Variants in NLRP3 observed in about 807,000 individuals in gnomAD.
NLRP3 encodes NLR family pyrin domain containing 3, also known as NACHT, LRR and PYD domains-containing protein 3.
Under a neutral mutation model 91.3 loss-of-function variants are expected in NLRP3, and 48 were observed. The observed-to-expected ratio is 0.53, with a 90% CI of 0.42 to 0.67. The LOEUF (loss-of-function observed/expected upper bound fraction) is 0.67. NLRP3 is among the 30% of genes least tolerant of loss of function. The pLI is 0.00. For missense variants in NLRP3, 982 were observed against 1,276.9 expected (o/e 0.77, Z 3.52); for synonymous variants, 561 against 507.9 (o/e 1.10, Z -1.41).
intron 9 of NLRP3, among the ~76,000 whole-genome samples, chr1:247,445,925 T>C (rs1457976670): frequency 6.6e-6 from 1 of 152,166 alleles, no homozygotes; most frequent in African/African-American, 2.4e-5. Flanking sequence ...GGCCTCCAGA[T>C]TATATGTCCA....
chr1:247,434,528 T>C (rs1663646060), intron 6 of NLRP3, among the ~76,000 whole-genome samples: 1 of 152,196 alleles, frequency 6.6e-6, no homozygotes, highest in Non-Finnish European at 1.5e-5. Flanking sequence ...GCCTACTGCC[T>C]AGCTGACAAA....
Position 247,425,793 on chromosome 1 carries a change from G to GAA in NLRP3, c.2150+203_2150+204dup. On this transcript the variant is annotated intron_variant, in intron 4 of 9. Coordinates refer to ENST00000336119, the MANE Select transcript of NLRP3 (RefSeq NM_001243133.2). The surrounding 1 kb of genome is among the most constrained non-coding windows in gnomAD (Gnocchi z 4.1). ...ATGGTAGGTGGATAAATGGGATGAG[G>GAA]AAAAAAAAAATAAAACAAGGAACAA... is the stretch of plus-strand genomic sequence containing the variant. 1.4e-4 allele frequency: 79 copies of GAA among 545,072 alleles called. No individual in the cohort carries two copies. The highest frequency in any genetic ancestry group is 1.9e-4 in the Non-Finnish European group (58 of 306,412). The allele number at this position is 545,072 out of a possible 1,614,324, so 33.8% of individuals were successfully genotyped here.
At chr1:247,441,592 ATTAAC>A (rs992750465) in intron 7 of NLRP3, among the ~76,000 whole-genome samples, 1 of 152,136 alleles carries the variant, frequency 6.6e-6, no homozygotes, top group African/African-American at 2.4e-5. Flanking sequence ...TCCCCAACCA[ATTAAC>A]TTAATACAGT....
intron 8 of NLRP3, 92 bp from the exon 9 acceptor site, chr1:247,444,559 A>C: frequency 7.3e-7 from 1 of 1,366,804 alleles, no homozygotes; most frequent in South Asian, 1.2e-5. Context: ...TTTTTTTTCC[A>C]CCTGAAACAA....
intron 5 of NLRP3, among the ~76,000 whole-genome samples, chr1:247,433,359 C>G (rs929513092): frequency 6.6e-6 from 1 of 152,150 alleles, no homozygotes; most frequent in African/African-American, 2.4e-5. Context: ...AGGGCAGTGC[C>G]GACTGCGGGC....
At chr1:247,433,334 A>G (rs973713322) in intron 5 of NLRP3, among the ~76,000 whole-genome samples, 1 of 152,236 alleles carries the variant, frequency 6.6e-6, no homozygotes, top group Non-Finnish European at 1.5e-5. Context: ...GAAATAGCTG[A>G]GTGCAGCACT....
intron 2 of NLRP3, among the ~76,000 whole-genome samples, chr1:247,422,264 A>ACGTG (rs1195312946): frequency 6.6e-6 from 1 of 151,676 alleles, no homozygotes; most frequent in Admixed American, 6.6e-5. Flanking sequence ...CAATAGTCCC[A>ACGTG]GCTGTTCTGG....
At chr1:247,436,897 T>C (rs1367191284) in intron 7 of NLRP3, among the ~76,000 whole-genome samples, 2 of 152,248 alleles carry the variant, frequency 1.3e-5, no homozygotes, top group East Asian at 3.8e-4. Flanking sequence ...TCTTTCATGT[T>C]CTTACATGGA....
intron 7 of NLRP3, among the ~76,000 whole-genome samples, chr1:247,439,769 C>T (rs1664073497): frequency 6.6e-6 from 1 of 152,120 alleles, no homozygotes; most frequent in Non-Finnish European, 1.5e-5. Flanking sequence ...GATAAATTTC[C>T]ATGCTGATTT....
At chr1:247,438,379 T>G (rs1663944415) in intron 7 of NLRP3, among the ~76,000 whole-genome samples, 1 of 27,332 alleles carries the variant, frequency 3.7e-5, no homozygotes. Flanking sequence ...TTTAGTTGTG[T>G]TTTTTTTTTT....
At chr1:247,429,857 G>T in intron 5 of NLRP3, 102 bp downstream of exon 5, 2 of 1,449,866 alleles carry the variant, frequency 1.4e-6, no homozygotes, top group Non-Finnish European at 9.5e-7. Flanking sequence ...TGCTGGTGTG[G>T]TTTCTTTCTT....
At chr1:247,421,661 G>T (rs1162456848) in intron 2 of NLRP3, among the ~76,000 whole-genome samples, 1 of 152,150 alleles carries the variant, frequency 6.6e-6, no homozygotes, top group Admixed American at 6.5e-5. Flanking sequence ...ACTGGCCCAT[G>T]GTTTATTTCT....
At chr1:247,431,984 C>T (rs974190772) in intron 5 of NLRP3, among the ~76,000 whole-genome samples, 3 of 152,024 alleles carry the variant, frequency 2.0e-5, no homozygotes, top group African/African-American at 7.2e-5. Context: ...CTGCAACATC[C>T]ACCTCCTGGG....
intron 6 of NLRP3, among the ~76,000 whole-genome samples, chr1:247,435,514 G>A (rs1159278461): frequency 6.6e-6 from 1 of 152,180 alleles, no homozygotes; most frequent in African/African-American, 2.4e-5. Context: ...GTCTAGAACA[G>A]ACAGATTCAT....
intron 9 of NLRP3, among the ~76,000 whole-genome samples, chr1:247,448,177 C>T (rs943496278): frequency 1.3e-5 from 2 of 151,012 alleles, no homozygotes; most frequent in African/African-American, 4.9e-5. Flanking sequence ...CCCAGGCATT[C>T]TTGAAGAAGG....
intron 7 of NLRP3, among the ~76,000 whole-genome samples, chr1:247,443,418 G>A (rs1664365278): frequency 6.6e-6 from 1 of 152,108 alleles, no homozygotes; most frequent in African/African-American, 2.4e-5. Flanking sequence ...GGCGGGAGGT[G>A]GCAATTGCTA....
intron 7 of NLRP3, among the ~76,000 whole-genome samples, chr1:247,443,728 G>C (rs56083970): frequency 0.2 from 30,398 of 152,032 alleles, 3,816 homozygotes; most frequent in African/African-American, 0.36. Context: ...AACTGGCTCA[G>C]TTTGCCTTGG....
chr1:247,441,691 A>G (rs1664253407), intron 7 of NLRP3, among the ~76,000 whole-genome samples: 1 of 152,200 alleles, frequency 6.6e-6, no homozygotes, highest in Non-Finnish European at 1.5e-5. Flanking sequence ...ACATTCCTCT[A>G]ATCCAAGGAT....
intron 5 of NLRP3, among the ~76,000 whole-genome samples, chr1:247,430,573 G>A (rs1663240388): frequency 6.6e-6 from 1 of 152,126 alleles, no homozygotes; most frequent in Admixed American, 6.5e-5. Flanking sequence ...CAGAACAAGT[G>A]AGAAGGTAGA....
Sources: allele counts gnomAD v4.1 joint callset (sites outside exome capture counted in the v4.1 genomes callset), GRCh38; gene constraint gnomAD v4.1.1; non-coding constraint Gnocchi (gnomAD v3.1); transcripts MANE v1.5; gene names NCBI Gene and HGNC (gene_info 2026-07-23, HGNC 2026-07-21).